The following LMO7 variants were observed in gnomAD, a reference collection of about 807,000 sequenced individuals.
The protein encoded by LMO7 is LIM domain 7.
LMO7 carries 120 observed loss-of-function variants against 206.5 expected under a neutral mutation model. The observed-to-expected ratio is 0.58, with a 90% confidence interval of 0.50 to 0.68. The LOEUF is 0.68. Ranked by LOEUF, LMO7 falls within the 30% of genes least tolerant of loss-of-function variation. The pLI, the probability that LMO7 is intolerant of heterozygous loss-of-function variation, is 0.00. For missense variants in LMO7, 1,959 were observed against 1,957.9 expected (o/e 1.00, Z -0.01); for synonymous variants, 706 against 681.5 (o/e 1.04, Z -0.56).
intron 1 of LMO7, among the ~76,000 whole-genome samples, chr13:75,707,612 A>G (rs756748970): frequency 9.2e-5 from 14 of 152,168 alleles, no homozygotes; most frequent in Non-Finnish European, 2.1e-4. Context: ...GACTTCTGAT[A>G]CATACCACAA....
rs767126372 is a variant in LMO7, at chr13:75,807,812, C to T, written c.1529C>T (p.Pro510Leu). ...TGTAGAGAAGGTGAACTTGTACTTC[C>T]GGATTTGGAAAAAGATGATATGATT... ...LQCREGELVL[P>L]DLEKDDMIVR... Residue 510 changes from proline (P) to leucine (L), a missense_variant, in exon 10 of 31, where the codon CCG becomes CTG. Physicochemically the swap from Pro to Leu is moderately conservative, Grantham distance 98 (BLOSUM62 -3). Transcript: ENST00000377534. 8 of 1,613,346 alleles carry T rather than the reference C, an allele frequency of 5.0e-6. No individual in the cohort carries two copies. The highest frequency in any genetic ancestry group is 1.3e-5 in the African/African-American group (1 of 74,760).
Position 75,713,207 on chromosome 13 carries a change from CAA to C in LMO7, c.98_99del (p.Lys33ArgfsTer14). ...GCAGTAACAGAGAAGAATTTTGAAA[CAA>C]AAGATTTTCGAGCCTCTCTAGAAAA... On this transcript the variant is annotated frameshift_variant, in exon 2 of 31. Transcript: ENST00000377534. LOFTEE classifies it high-confidence loss of function. 2.5e-6 allele frequency: 4 copies of C among 1,596,184 alleles called. No individual in the cohort carries two copies. In the South Asian group the frequency reaches 4.5e-5, roughly 18 times the overall value.
At chr13:75,784,195 G>T (rs999096701) in intron 4 of LMO7, among the ~76,000 whole-genome samples, 2 of 152,068 alleles carry the variant, frequency 1.3e-5, no homozygotes, top group African/African-American at 2.4e-5. Context: ...GAATTATGAG[G>T]TTCAAAATGT....
chr13:75,805,051 G>A (rs1490975021), intron 8 of LMO7: 1 of 1,002,972 alleles, frequency 1.0e-6, no homozygotes, highest in Non-Finnish European at 1.2e-6. Context: ...GTGAAAAAGA[G>A]GCCCCAGAAT....
At chr13:75,722,621 G>A (rs2044118862) in intron 2 of LMO7, among the ~76,000 whole-genome samples, 1 of 152,158 alleles carries the variant, frequency 6.6e-6, no homozygotes, top group Non-Finnish European at 1.5e-5. Flanking sequence ...TACAGCCACT[G>A]TGGAAAACAG....
intron 4 of LMO7, among the ~76,000 whole-genome samples, 195 bp downstream of exon 4, chr13:75,761,233 C>T (rs1720779550): frequency 6.6e-6 from 1 of 152,054 alleles, no homozygotes; most frequent in African/African-American, 2.4e-5. Context: ...GTTTGTAACT[C>T]ATAACATAGC....
chr13:75,813,868 TG>T (rs1319396146), intron 11 of LMO7, among the ~76,000 whole-genome samples: 1 of 152,248 alleles, frequency 6.6e-6, no homozygotes, highest in Non-Finnish European at 1.5e-5. Flanking sequence ...CATCCTTTTT[TG>T]TTTTTGTTCT....
intron 7 of LMO7, 60 bp downstream of exon 7, chr13:75,800,942 G>A: frequency 6.6e-7 from 1 of 1,517,716 alleles, no homozygotes. Flanking sequence ...ACTGGGAACA[G>A]GAGAGAATAG....
intron 1 of LMO7, among the ~76,000 whole-genome samples, chr13:75,670,114 T>C (rs1266049399): frequency 6.6e-6 from 1 of 152,210 alleles, no homozygotes; most frequent in Non-Finnish European, 1.5e-5. Context: ...TACACCTCTC[T>C]CCTCCTCCCT....
Position 75,843,306 on chromosome 13 carries a change from G to A in LMO7, c.4097+390G>A, listed in dbSNP as rs993934476. 2.6e-5 allele frequency among the ~76,000 whole-genome samples: 4 copies of A among 152,280 alleles called. No individual in the cohort carries two copies. The East Asian group carries it at 5.8e-4, about 22-fold the overall frequency. The stretch of plus-strand genomic sequence containing the variant: ...TGAGCCAGGAAGGTCTTATGTATAC[G>A]TGGTGGTGAGGCAGGGGAAAGAGAA... On this transcript the variant is annotated intron_variant, in intron 25 of 30. Coordinates refer to ENST00000377534, the MANE Select transcript of LMO7 (RefSeq NM_001306080.2).
chr13:75,734,419 A>T (rs1338869607), intron 3 of LMO7, among the ~76,000 whole-genome samples: 1 of 152,214 alleles, frequency 6.6e-6, no homozygotes, highest in African/African-American at 2.4e-5. Context: ...ATAGCTAATA[A>T]TTAGAATGTA....
chr13:75,725,082 T>C (rs1362104070), intron 2 of LMO7, among the ~76,000 whole-genome samples: 1 of 152,182 alleles, frequency 6.6e-6, no homozygotes, highest in African/African-American at 2.4e-5. Flanking sequence ...CCTTTACCTG[T>C]ATCTCTTACT....
intron 4 of LMO7, among the ~76,000 whole-genome samples, chr13:75,788,604 C>G (rs1032436341): frequency 9.9e-5 from 15 of 152,124 alleles, no homozygotes; most frequent in African/African-American, 3.6e-4. Context: ...TATACTTTTT[C>G]TTCCTGTGAC....
chr13:75,681,333 A>G (rs948825468), intron 1 of LMO7, among the ~76,000 whole-genome samples: 2 of 152,060 alleles, frequency 1.3e-5, no homozygotes, highest in African/African-American at 4.8e-5. Context: ...TGAGTTATTA[A>G]TGCTCAGCAA....
intron 4 of LMO7, among the ~76,000 whole-genome samples, chr13:75,780,786 C>A (rs528549135): frequency 3.9e-4 from 60 of 152,204 alleles, no homozygotes; most frequent in Non-Finnish European, 6.2e-4. Flanking sequence ...ATTTGGGGAA[C>A]TAATAAATGT....
At chr13:75,785,460 T>C (rs1190041377) in intron 4 of LMO7, among the ~76,000 whole-genome samples, 1 of 152,122 alleles carries the variant, frequency 6.6e-6, no homozygotes, top group Non-Finnish European at 1.5e-5. Flanking sequence ...AAGTGATTAA[T>C]AAAGGCAATT....
chr13:75,663,160 ACT>A (rs1391219659), intron 1 of LMO7, among the ~76,000 whole-genome samples: 2 of 150,482 alleles, frequency 1.3e-5, no homozygotes, highest in African/African-American at 4.9e-5. Context: ...TCTCTATAAA[ACT>A]CTATATAAAA....
intron 6 of LMO7, 52 bp from the exon 7 acceptor site, chr13:75,800,632 A>G (rs777979516): frequency 5.9e-6 from 9 of 1,519,842 alleles, no homozygotes; most frequent in Non-Finnish European, 7.3e-6. Flanking sequence ...GATTGATTAT[A>G]TTTTTTGGAA....
In LMO7 at chr13:75,807,494, T is replaced by C. The variant is rs1233811549; in HGVS notation, c.1211T>C (p.Leu404Pro). ...CTGTGCATCAGTCAGTTTTTACTGC[T>C]TCAGGCCCTCCAAACATACTCTGAT... ...EFQGFSQFLL[L>P]QALQTYSDDI... Residue 404 changes from leucine to proline, a missense_variant, in exon 10 of 31, where the codon CTT (leucine) becomes CCT (proline). Coordinates refer to ENST00000377534, the MANE Select transcript of LMO7 (RefSeq NM_001306080.2). 6.2e-7 allele frequency: 1 copy of C among 1,613,506 alleles called. No homozygotes were observed. The highest frequency in any genetic ancestry group is 1.3e-5 in the African/African-American group (1 of 75,056).
Sources: allele counts gnomAD v4.1 joint callset (sites outside exome capture counted in the v4.1 genomes callset), GRCh38; gene constraint gnomAD v4.1.1; transcripts MANE v1.5; gene names NCBI Gene and HGNC (gene_info 2026-07-23, HGNC 2026-07-21).